Variants in ULK4 observed in about 807,000 individuals in gnomAD.
ULK4 encodes inactive serine/threonine-protein kinase ULK4.
A neutral mutation model predicts 160.6 loss-of-function variants in ULK4; 133 were observed. The observed-to-expected ratio is 0.83, with a 90% CI of 0.72 to 0.96. The LOEUF (loss-of-function observed/expected upper bound fraction) is 0.96. Ranked by LOEUF, ULK4 falls within the 40% of genes least tolerant of loss-of-function variation. ULK4 has a pLI of 0.00. For synonymous variants in ULK4, 534 were observed against 539.8 expected (o/e 0.99, Z 0.15); for missense variants, 1,580 against 1,499.5 (o/e 1.05, Z -0.89).
intron 35 of ULK4, among the ~76,000 whole-genome samples, chr3:41,317,236 C>T (rs111380508): frequency 1.4e-3 from 209 of 151,716 alleles, no homozygotes; most frequent in African/African-American, 4.8e-3. Context: ...CCACGGCGCC[C>T]GGCTAATTTT....
At chr3:41,292,076 G>A (rs946045290) in intron 35 of ULK4, among the ~76,000 whole-genome samples, 4 of 151,514 alleles carry the variant, frequency 2.6e-5, no homozygotes, top group African/African-American at 4.9e-5. Context: ...CTCACAATCC[G>A]CCTGCCTCAG....
chr3:41,946,889 T>C (rs1217599618), intron 2 of ULK4, among the ~76,000 whole-genome samples: 3 of 152,202 alleles, frequency 2.0e-5, no homozygotes, highest in Admixed American at 6.5e-5. Context: ...GTGGCCCTAC[T>C]GTGGTCTTTG....
chr3:41,306,727 T>C (rs113489025), intron 35 of ULK4, among the ~76,000 whole-genome samples: 23,255 of 151,526 alleles, frequency 0.15, 2,104 homozygotes, highest in African/African-American at 0.25. Flanking sequence ...GGGGAAAAGA[T>C]TGAGAAATCG....
chr3:41,597,397 C>T (rs966501848), intron 31 of ULK4, among the ~76,000 whole-genome samples: 3 of 152,156 alleles, frequency 2.0e-5, no homozygotes, highest in East Asian at 1.9e-4. Flanking sequence ...GATCAAGACA[C>T]GGCAAATTTT....
At chr3:41,603,607 A>C (rs1295652382) in intron 31 of ULK4, among the ~76,000 whole-genome samples, 1 of 151,970 alleles carries the variant, frequency 6.6e-6, no homozygotes. Flanking sequence ...TCAGGCATCC[A>C]TAGAACATAA....
chr3:41,459,488 C>T (rs1033009608), intron 33 of ULK4, among the ~76,000 whole-genome samples: 10 of 152,190 alleles, frequency 6.6e-5, no homozygotes, highest in African/African-American at 1.9e-4. Flanking sequence ...TCATGCTGCA[C>T]ATTCACAATG....
In ULK4 at chr3:41,453,919, T is replaced by A. The variant is rs189144321; in HGVS notation, c.3492+1578A>T. On this transcript the variant is annotated intron_variant, in intron 34 of 36. Coordinates refer to ENST00000301831, the MANE Select transcript of ULK4 (RefSeq NM_017886.4). ...GGAAACCATCATTCTCAGCAAACTATCACAGGGACAAAAAACCAAACACCA... is the reference window on the plus strand; with the variant it reads ...GGAAACCATCATTCTCAGCAAACTAACACAGGGACAAAAAACCAAACACCA... Among the ~76,000 whole-genome samples, 99 of 148,584 alleles carry A rather than the reference T, an allele frequency of 6.7e-4. No homozygotes were observed. In the East Asian group the frequency reaches 0.014, roughly 21 times the overall value.
At chr3:41,504,119 C>G (rs1022097265) in intron 32 of ULK4, among the ~76,000 whole-genome samples, 1 of 152,048 alleles carries the variant, frequency 6.6e-6, no homozygotes, top group African/African-American at 2.4e-5. Flanking sequence ...AATGCTTGTC[C>G]CTACACATTG....
intron 2 of ULK4, among the ~76,000 whole-genome samples, chr3:41,949,315 G>GACAC (rs150637849): frequency 0.013 from 1,806 of 142,062 alleles, 44 homozygotes; most frequent in African/African-American, 0.043. Context: ...CACACACACA[G>GACAC]ACACACACAC....
rs558439417 is a variant in ULK4 at position 41,913,613 on chromosome 3, C to T, written c.804-714G>A. The stretch of plus-strand genomic sequence containing the variant: ...CAGAGGCAAGATTATTTTACTTACC[C>T]TAACTGACACATTTAAGTTTTGGAA... On this transcript the variant is annotated intron_variant, in intron 8 of 36. Transcript: ENST00000301831. Among the ~76,000 whole-genome samples the T allele has an allele frequency of 5.9e-5, 9 of 152,302 alleles. No homozygotes were observed. In the South Asian group the frequency reaches 1.7e-3, roughly 28 times the overall value.
At chr3:41,718,889 C>T (rs536366685) in intron 22 of ULK4, among the ~76,000 whole-genome samples, 6 of 152,342 alleles carry the variant, frequency 3.9e-5, no homozygotes, top group Middle Eastern at 3.4e-3. Flanking sequence ...CACCCCATCA[C>T]GTGAGGATGA....
At chr3:41,892,176 G>T (rs1697992664) in intron 16 of ULK4, among the ~76,000 whole-genome samples, 1 of 152,058 alleles carries the variant, frequency 6.6e-6, no homozygotes, top group Non-Finnish European at 1.5e-5. Flanking sequence ...TTAATATCTA[G>T]AATATATAAA....
chr3:41,776,124 C>G (rs1470660525), intron 21 of ULK4, among the ~76,000 whole-genome samples: 1 of 151,016 alleles, frequency 6.6e-6, no homozygotes, highest in East Asian at 1.9e-4. Context: ...TTCTGTCAGA[C>G]TTACATGTTC....
chr3:41,510,267 CA>C (rs2085526098), intron 32 of ULK4, among the ~76,000 whole-genome samples: 1 of 152,106 alleles, frequency 6.6e-6, no homozygotes, highest in Admixed American at 6.5e-5. Flanking sequence ...AGGACTAGTA[CA>C]ACAGGAAAAT....
chr3:41,475,639 T>TA (rs2084118457), intron 32 of ULK4, among the ~76,000 whole-genome samples: 1 of 151,902 alleles, frequency 6.6e-6, no homozygotes, highest in South Asian at 2.1e-4. Context: ...AAATAAAAAT[T>TA]AAAAAAAGAA....
rs78109574 is a variant in ULK4 at position 41,333,348 on chromosome 3, T to C, written c.3678+64731A>G. ...AGTCACTGCTCATTTCTATCTGTGA[T>C]TGGGATACCTTTTACATTCCTTTCA... On this transcript the variant is annotated intron_variant, in intron 35 of 36. Coordinates refer to ENST00000301831, the MANE Select transcript of ULK4 (RefSeq NM_017886.4). Among the ~76,000 whole-genome samples, 8 of 152,360 alleles carry C rather than the reference T, an allele frequency of 5.3e-5. No individual in the cohort carries two copies. The East Asian group carries it at 1.2e-3, about 22-fold the overall frequency.
At chr3:41,416,770 G>A (rs1389356102) in intron 34 of ULK4, among the ~76,000 whole-genome samples, 6 of 152,126 alleles carry the variant, frequency 3.9e-5, no homozygotes, top group African/African-American at 1.2e-4. Flanking sequence ...AGGGAAACAC[G>A]TGACCAATGT....
intron 32 of ULK4, among the ~76,000 whole-genome samples, chr3:41,471,745 C>T (rs775221376): frequency 1.3e-5 from 2 of 151,514 alleles, no homozygotes; most frequent in Non-Finnish European, 2.9e-5. Flanking sequence ...ACAACATGTT[C>T]CTGAACAACC....
chr3:41,315,868 C>T (rs976645398), intron 35 of ULK4, among the ~76,000 whole-genome samples: 2 of 152,088 alleles, frequency 1.3e-5, no homozygotes, highest in Non-Finnish European at 2.9e-5. Flanking sequence ...ATGGCCACAA[C>T]CAAAAAGACA....
Sources: gnomAD v4.1 joint callset for allele counts (sites outside exome capture counted in the v4.1 genomes callset) on GRCh38, gnomAD v4.1.1 for gene constraint, MANE v1.5 for transcripts, NCBI Gene and HGNC (gene_info 2026-07-23, HGNC 2026-07-21) for gene names.